KLHL20: variants seen among roughly 807,000 people sequenced by gnomAD.
KLHL20 encodes kelch-like protein 20.
A neutral mutation model predicts 69.5 loss-of-function variants in KLHL20; 29 were observed. The observed-to-expected ratio is 0.42, with a 90% CI of 0.31 to 0.57. The LOEUF (loss-of-function observed/expected upper bound fraction) is 0.57. KLHL20 is among the 20% of genes least tolerant of loss of function. KLHL20 has a pLI of 0.18. For missense variants in KLHL20, 419 were observed against 776.0 expected (o/e 0.54, Z 5.47); for synonymous variants, 253 against 265.2 (o/e 0.95, Z 0.45).
chr1:173,777,025 A>G (rs1293535496), intron 10 of KLHL20, among the ~76,000 whole-genome samples: 1 of 152,154 alleles, frequency 6.6e-6, no homozygotes, highest in East Asian at 1.9e-4. Flanking sequence ...GGACATTTTA[A>G]CAATATTGAT....
Position 173,733,694 on chromosome 1 carries a change from T to C in KLHL20, c.24-19T>C, listed in dbSNP as rs764914602. 166 of 1,557,582 alleles carry C rather than the reference T, an allele frequency of 1.1e-4. No individual in the cohort carries two copies. The highest frequency in any genetic ancestry group is 1.4e-4 in the Non-Finnish European group (160 of 1,140,124). On this transcript the variant is annotated intron_variant, in intron 2 of 11. Transcript: ENST00000209884. ...TAATAATACTGCCATCTTCTCTCTC[T>C]CCCCCATCATTCCTATAGGTGTACC...
At chr1:173,748,963 T>C (rs1170912431) in intron 3 of KLHL20, among the ~76,000 whole-genome samples, 1 of 152,142 alleles carries the variant, frequency 6.6e-6, no homozygotes, top group African/African-American at 2.4e-5. Context: ...ATATTCTTGA[T>C]AGTAGAGAAA....
At chr1:173,757,782 T>C (rs1349861088) in intron 7 of KLHL20, among the ~76,000 whole-genome samples, 2 of 152,226 alleles carry the variant, frequency 1.3e-5, no homozygotes, top group African/African-American at 4.8e-5. Context: ...TACTTGTTCC[T>C]TTGCCCTTCC....
At chr1:173,762,175 G>T (rs544092352) in intron 7 of KLHL20, among the ~76,000 whole-genome samples, 4 of 152,138 alleles carry the variant, frequency 2.6e-5, no homozygotes, top group East Asian at 3.9e-4. Flanking sequence ...AAATCAGGAA[G>T]AATTAGATAC....
At chr1:173,739,135 C>T (rs1284131760) in intron 3 of KLHL20, among the ~76,000 whole-genome samples, 16 of 151,964 alleles carry the variant, frequency 1.1e-4, no homozygotes, top group African/African-American at 4.8e-5. Flanking sequence ...TACAGTGGCA[C>T]GATCTCAGCT....
rs562524179 is a variant in KLHL20, at chr1:173,720,849, A to G, written c.23+4783A>G. On this transcript the variant is annotated intron_variant, in intron 2 of 11. Coordinates refer to ENST00000209884, the MANE Select transcript of KLHL20 (RefSeq NM_014458.4). ...AAGAGGAACAGGTTTCAGTAAGCCA[A>G]GAATAGATTCTGTTTCATATACTTT... Among the ~76,000 whole-genome samples the G allele has an allele frequency of 2.0e-5, 3 of 152,336 alleles. No individual in the cohort carries two copies. The East Asian group carries it at 5.8e-4, about 29-fold the overall frequency.
chr1:173,761,162 G>A (rs898912268), intron 7 of KLHL20, among the ~76,000 whole-genome samples: 7 of 152,192 alleles, frequency 4.6e-5, no homozygotes, highest in African/African-American at 1.4e-4. Flanking sequence ...AATGGTAAAA[G>A]GCTTTGTCCG....
intron 3 of KLHL20, among the ~76,000 whole-genome samples, chr1:173,736,053 T>G (rs925864947): frequency 2.6e-5 from 4 of 151,256 alleles, no homozygotes; most frequent in African/African-American, 9.7e-5. Flanking sequence ...TTCAAGTGAT[T>G]CTCCTGCCTC....
chr1:173,734,351 T>C, intron 3 of KLHL20, 65 bp downstream of exon 3: 1 of 1,299,662 alleles, frequency 7.7e-7, no homozygotes, highest in Non-Finnish European at 1.1e-6. Context: ...CACATTCTGC[T>C]AAATAACACT....
At chr1:173,768,627 T>A (rs1381452929) in intron 8 of KLHL20, among the ~76,000 whole-genome samples, 1 of 152,164 alleles carries the variant, frequency 6.6e-6, no homozygotes, top group Non-Finnish European at 1.5e-5. Context: ...GATAGAGTAA[T>A]AGATAGCAAA....
intron 2 of KLHL20, among the ~76,000 whole-genome samples, chr1:173,727,015 A>G (rs1174290006): frequency 6.6e-6 from 1 of 152,198 alleles, no homozygotes; most frequent in African/African-American, 2.4e-5. Flanking sequence ...GATTAGACGG[A>G]TGGCTAACTA....
intron 7 of KLHL20, among the ~76,000 whole-genome samples, chr1:173,763,962 T>C (rs1312913835): frequency 1.3e-5 from 2 of 150,802 alleles, no homozygotes; most frequent in Non-Finnish European, 3.0e-5. Context: ...ATCCACAGAG[T>C]GTGAGAAAAT....
At chr1:173,727,429 A>G (rs555381485) in intron 2 of KLHL20, among the ~76,000 whole-genome samples, 2 of 152,264 alleles carry the variant, frequency 1.3e-5, no homozygotes, top group South Asian at 2.1e-4. Context: ...GAGAAGAGCA[A>G]CTCCAAGACA....
intron 8 of KLHL20, among the ~76,000 whole-genome samples, chr1:173,768,608 A>G (rs1029442740): frequency 1.1e-4 from 16 of 152,358 alleles, no homozygotes; most frequent in African/African-American, 3.6e-4. Context: ...AAATGCCCAC[A>G]TAAAAACAGA....
At chr1:173,777,101 A>G (rs888923994) in intron 10 of KLHL20, among the ~76,000 whole-genome samples, 4 of 151,862 alleles carry the variant, frequency 2.6e-5, no homozygotes, top group Admixed American at 6.6e-5. Flanking sequence ...TCTTGCATCA[A>G]TGTTTTCTAG....
At chr1:173,736,116 T>G (rs771067305) in intron 3 of KLHL20, among the ~76,000 whole-genome samples, 1 of 151,726 alleles carries the variant, frequency 6.6e-6, no homozygotes, top group African/African-American at 2.4e-5. Flanking sequence ...CCAGCTAATT[T>G]TTGTATTTTT....
At chr1:173,740,411 A>G (rs903853861) in intron 3 of KLHL20, among the ~76,000 whole-genome samples, 6 of 151,796 alleles carry the variant, frequency 4.0e-5, no homozygotes, top group East Asian at 2.0e-4. Flanking sequence ...TGCCCGGCCT[A>G]TCATTTCTTT....
At chr1:173,726,224 T>C (rs1455500335) in intron 2 of KLHL20, among the ~76,000 whole-genome samples, 3 of 151,720 alleles carry the variant, frequency 2.0e-5, no homozygotes, top group Non-Finnish European at 4.4e-5. Flanking sequence ...TGTCCAGGCT[T>C]GAGTAGGTAA....
intron 9 of KLHL20, among the ~76,000 whole-genome samples, chr1:173,775,196 C>T (rs1454981312): frequency 1.3e-5 from 2 of 152,126 alleles, no homozygotes; most frequent in African/African-American, 4.8e-5. Context: ...AGATTCGTCA[C>T]GTCTTGTCTT....
Sources: gnomAD v4.1 joint callset for allele counts (sites outside exome capture counted in the v4.1 genomes callset) on GRCh38, gnomAD v4.1.1 for gene constraint, MANE v1.5 for transcripts, NCBI Gene and HGNC (gene_info 2026-07-23, HGNC 2026-07-21) for gene names.